The following CNTNAP4 variants were observed in gnomAD, a reference collection of about 807,000 sequenced individuals.
CNTNAP4 encodes contactin-associated protein-like 4.
In CNTNAP4, 98 loss-of-function variants were observed where a neutral mutation model predicts 148.4. The observed-to-expected ratio is 0.66, with a 90% CI of 0.56 to 0.78. The LOEUF (loss-of-function observed/expected upper bound fraction) is 0.78, where lower values mean the gene tolerates loss of function less well. Ranked by LOEUF, CNTNAP4 falls within the 30% of genes least tolerant of loss-of-function variation. CNTNAP4 has a pLI of 0.00. For synonymous variants in CNTNAP4, 730 were observed against 565.1 expected, an observed-to-expected ratio of 1.29 and a Z score of -4.14; for missense variants, 1,935 against 1,565.6, an observed-to-expected ratio of 1.24 and a Z score of -3.98.
chr16:76,367,687 A>G (rs2014311259), intron 3 of CNTNAP4, among the ~76,000 whole-genome samples: 1 of 152,218 alleles, frequency 6.6e-6, no homozygotes, highest in African/African-American at 2.4e-5. Context: ...ATCATGAACA[A>G]CTTTTAAATA....
At chr16:76,419,852 C>T (rs12934194) in intron 3 of CNTNAP4, among the ~76,000 whole-genome samples, 63,745 of 151,766 alleles carry the variant, frequency 0.42, 13,775 homozygotes, top group African/African-American at 0.51. Flanking sequence ...GTGTCTGCAC[C>T]TGGTGAAGAA....
Position 76,553,867 on chromosome 16 carries a change from C to T in CNTNAP4, c.3693C>T (p.Pro1231=). The T allele has an allele frequency of 1.9e-6, 3 of 1,612,252 alleles. No individual in the cohort carries two copies. Among genetic ancestry groups the T allele is most frequent in the Non-Finnish European group, 2.5e-6 (3 of 1,178,602 alleles). Residue 1231 remains proline (P), a synonymous_variant, in exon 23 of 24, where the codon CCC becomes CCT. Coordinates refer to ENST00000611870, the MANE Select transcript of CNTNAP4 (RefSeq NM_033401.5). The part of the protein sequence containing the change: ...DHSGTIDDRE[P]LANAIKSDSA... ...CTGGAACAATAGATGACAGAGAGCC[C>T]CTTGCTAATGCAATCAAAAGTGACT...
At chr16:76,362,111 A>G (rs1377857972) in intron 3 of CNTNAP4, among the ~76,000 whole-genome samples, 1 of 152,144 alleles carries the variant, frequency 6.6e-6, no homozygotes, top group Non-Finnish European at 1.5e-5. Flanking sequence ...TACTAACGAT[A>G]AATGATCCAA....
At chr16:76,413,607 G>T (rs2078876827) in intron 3 of CNTNAP4, among the ~76,000 whole-genome samples, 1 of 149,594 alleles carries the variant, frequency 6.7e-6, no homozygotes, top group South Asian at 2.1e-4. Flanking sequence ...GGAGTATCTT[G>T]GTGATTTCCA....
chr16:76,460,668 G>T (rs1348178322), intron 8 of CNTNAP4, among the ~76,000 whole-genome samples: 2 of 141,852 alleles, frequency 1.4e-5, no homozygotes, highest in Non-Finnish European at 3.0e-5. Flanking sequence ...AAGGAGAGTG[G>T]CTTGAACCTG....
chr16:76,412,946 C>G (rs991024040), intron 3 of CNTNAP4, among the ~76,000 whole-genome samples: 2 of 151,384 alleles, frequency 1.3e-5, no homozygotes, highest in Non-Finnish European at 3.0e-5. Context: ...GAATTCACTT[C>G]TGCATACGGT....
chr16:76,554,504 C>T (rs1426532053), intron 23 of CNTNAP4, among the ~76,000 whole-genome samples: 1 of 151,988 alleles, frequency 6.6e-6, no homozygotes, highest in Non-Finnish European at 1.5e-5. Context: ...AACACAAAAA[C>T]TTTTAAAGTA....
chr16:76,442,812 G>C (rs555637655), intron 4 of CNTNAP4, among the ~76,000 whole-genome samples: 2 of 152,152 alleles, frequency 1.3e-5, no homozygotes, highest in South Asian at 2.1e-4. Flanking sequence ...TGCCACACTG[G>C]GGAACAAATT....
At chr16:76,383,795 A>G (rs1597381259) in intron 3 of CNTNAP4, among the ~76,000 whole-genome samples, 1 of 152,156 alleles carries the variant, frequency 6.6e-6, no homozygotes, top group African/African-American at 2.4e-5. Context: ...AAAATAATCG[A>G]GTTGTAAAGA....
rs746608637 is a variant in CNTNAP4, at chr16:76,538,205, GCTT to G, written c.3087_3089del (p.Ser1030del). On this transcript the variant is annotated inframe_deletion, in exon 19 of 24. Transcript: ENST00000611870. Reference sequence around the variant, plus strand: ...AAGTAAAAACTCCAGCTCCCACGCTGCTTCATTTCATGGTGATATGAAGCTGAG... The same window carrying G: ...AAGTAAAAACTCCAGCTCCCACGCTGCATTTCATGGTGATATGAAGCTGAG... 3.0e-5 allele frequency: 48 copies of G among 1,608,764 alleles called. No individual in the cohort carries two copies. Among genetic ancestry groups the G allele is most frequent in the Non-Finnish European group, 4.0e-5 (47 of 1,178,186 alleles).
At chr16:76,437,929 A>G (rs2079891435) in intron 4 of CNTNAP4, among the ~76,000 whole-genome samples, 1 of 152,172 alleles carries the variant, frequency 6.6e-6, no homozygotes. Flanking sequence ...GCTGCTGTCC[A>G]TAAAATTATA....
intron 15 of CNTNAP4, among the ~76,000 whole-genome samples, chr16:76,519,606 A>G (rs766341622): frequency 6.6e-6 from 1 of 152,224 alleles, no homozygotes; most frequent in Non-Finnish European, 1.5e-5. Flanking sequence ...AACTTCTAAG[A>G]ATGCAAATGT....
rs530424708 is a variant in CNTNAP4, at chr16:76,380,131, A to G, written c.390+24620A>G. 2.0e-5 allele frequency among the ~76,000 whole-genome samples: 3 copies of G among 152,340 alleles called. No individual in the cohort carries two copies. The East Asian group carries it at 5.8e-4, about 29-fold the overall frequency. On this transcript the variant is annotated intron_variant, in intron 3 of 23. Transcript: ENST00000611870. ...AGATATTAGAGTTCAATTATGCTGG[A>G]AAATGTGTTCATAAAGGCCCTATGC...
Position 76,491,223 on chromosome 16 carries a change from CA to C in CNTNAP4, c.2080+1343del, listed in dbSNP as rs537038988. 5.3e-5 allele frequency among the ~76,000 whole-genome samples: 8 copies of C among 152,226 alleles called. No individual in the cohort carries two copies. In the South Asian group the frequency reaches 1.7e-3, roughly 32 times the overall value. On this transcript the variant is annotated intron_variant, in intron 13 of 23. Transcript: ENST00000611870. ...AATCCCATCTTTCTGGAACCCACAC[CA>C]AACTTACCTCCTCCTGGAACCTCAA... is the stretch of plus-strand genomic sequence containing the variant.
chr16:76,391,202 C>G (rs921255822), intron 3 of CNTNAP4, among the ~76,000 whole-genome samples: 1 of 152,194 alleles, frequency 6.6e-6, no homozygotes, highest in Non-Finnish European at 1.5e-5. Context: ...ATCACACTGA[C>G]TGCTGGCCAA....
At chr16:76,357,424 G>A (rs1295316850) in intron 3 of CNTNAP4, among the ~76,000 whole-genome samples, 1 of 152,200 alleles carries the variant, frequency 6.6e-6, no homozygotes, top group Non-Finnish European at 1.5e-5. Flanking sequence ...TCTTATTAAA[G>A]TTGAGGCGCT....
At chr16:76,555,326 C>G (rs1386435518) in intron 23 of CNTNAP4, among the ~76,000 whole-genome samples, 2 of 152,012 alleles carry the variant, frequency 1.3e-5, no homozygotes, top group African/African-American at 4.8e-5. Flanking sequence ...AAATAGGATT[C>G]CCATTTAATC....
chr16:76,332,456 A>AT (rs965103833), intron 2 of CNTNAP4, among the ~76,000 whole-genome samples: 1 of 151,766 alleles, frequency 6.6e-6, no homozygotes, highest in African/African-American at 2.4e-5. Flanking sequence ...TAGAGATGGG[A>AT]TTTTGCCATG....
At chr16:76,438,225 T>G (rs1506818) in intron 4 of CNTNAP4, among the ~76,000 whole-genome samples, 3 of 151,858 alleles carry the variant, frequency 2.0e-5, no homozygotes, top group African/African-American at 4.8e-5. Context: ...TGCAGACACA[T>G]TTCCCTCAGA....
Sources: gnomAD v4.1 joint callset for allele counts (sites outside exome capture counted in the v4.1 genomes callset) on GRCh38, gnomAD v4.1.1 for gene constraint, MANE v1.5 for transcripts, NCBI Gene and HGNC (gene_info 2026-07-23, HGNC 2026-07-21) for gene names.